TMEM63B: variants seen among roughly 807,000 people sequenced by gnomAD.
TMEM63B encodes transmembrane protein 63B, also known as mechanosensitive cation channel TMEM63B.
Under a neutral mutation model 102.6 loss-of-function variants are expected in TMEM63B, and 23 were observed. That is an observed-to-expected ratio of 0.22 (90% CI 0.16 to 0.32). The LOEUF (loss-of-function observed/expected upper bound fraction) is 0.32, where lower values mean the gene tolerates loss of function less well. Ranked by LOEUF, TMEM63B falls within the 10% of genes least tolerant of loss-of-function variation. The pLI, the probability that TMEM63B is intolerant of heterozygous loss-of-function variation, is 1.00. For missense variants in TMEM63B, 628 were observed against 1,095.9 expected (o/e 0.57, Z 6.03); for synonymous variants, 444 against 437.0 (o/e 1.02, Z -0.20).
At chr6:44,134,174 C>A (rs1762471671) in intron 1 of TMEM63B, among the ~76,000 whole-genome samples, 1 of 152,172 alleles carries the variant, frequency 6.6e-6, no homozygotes, top group Non-Finnish European at 1.5e-5. Context: ...GCCTAAGACC[C>A]CTCCCTGTCT....
intron 1 of TMEM63B, among the ~76,000 whole-genome samples, chr6:44,132,524 G>A (rs922468310): frequency 6.6e-6 from 1 of 152,146 alleles, no homozygotes; most frequent in Non-Finnish European, 1.5e-5. Flanking sequence ...GTACATTGGA[G>A]TTGAGAATTG....
chr6:44,146,977 G>T, intron 11 of TMEM63B, 50 bp downstream of exon 11: 4 of 1,591,258 alleles, frequency 2.5e-6, no homozygotes, highest in Non-Finnish European at 3.4e-6. Flanking sequence ...CCCTGCCATT[G>T]TGGAGGACAT....
In TMEM63B at chr6:44,152,742, C is replaced by T; in HGVS notation, c.1942+44C>T. 1 of 1,510,566 alleles carries T rather than the reference C, an allele frequency of 6.6e-7. No homozygotes were observed. The highest frequency in any genetic ancestry group is 2.3e-5 in the East Asian group (1 of 44,408). 93.6% of individuals were successfully genotyped at this position (1,510,566 alleles called of 1,614,324 possible). On this transcript the variant is annotated intron_variant, in intron 20 of 23. Transcript: ENST00000323267. The surrounding 1 kb of genome is among the most constrained non-coding windows in gnomAD (Gnocchi z 6.4). ...GGACCTGGGCCCTGCTCGGGGGGAC[C>T]CAGGACTTCACCCTCTCCACTCTAG...
chr6:44,132,097 C>T (rs1471605890), intron 1 of TMEM63B, among the ~76,000 whole-genome samples: 2 of 152,184 alleles, frequency 1.3e-5, no homozygotes, highest in Non-Finnish European at 2.9e-5. Flanking sequence ...AGCTGCCAGC[C>T]CAGGCTCCAC....
Position 44,152,916 on chromosome 6 carries a change from C to A in TMEM63B, c.1942+218C>A, listed in dbSNP as rs1482445686. Among the ~76,000 whole-genome samples the A allele has an allele frequency of 6.6e-6, 1 of 152,150 alleles. No individual in the cohort carries two copies. The highest frequency in any genetic ancestry group is 1.5e-5 in the Non-Finnish European group (1 of 68,006). ...GGCCAGACCCAGCTGGCATGTGGGC[C>A]CCAGGGCAAAGTCACACCAACATGG... On this transcript the variant is annotated intron_variant, in intron 20 of 23. Coordinates refer to ENST00000323267, the MANE Select transcript of TMEM63B (RefSeq NM_018426.3). The surrounding 1 kb of genome is among the most constrained non-coding windows in gnomAD (Gnocchi z 6.4).
chr6:44,153,479 T>TAC (rs1767250983), intron 20 of TMEM63B, among the ~76,000 whole-genome samples, 197 bp from the exon 21 acceptor site: 1 of 151,582 alleles, frequency 6.6e-6, no homozygotes, highest in Admixed American at 6.6e-5. Context: ...ATGAGGAGAG[T>TAC]AGAATGAGGG....
chr6:44,148,887 CCAT>C lies in TMEM63B; in HGVS notation c.1364_1366del (p.Ile455del). On this transcript the variant is annotated inframe_deletion, in exon 15 of 24. Coordinates refer to ENST00000323267, the MANE Select transcript of TMEM63B (RefSeq NM_018426.3). This position sits in a 1 kb window ranked among gnomAD's most constrained non-coding sequence, Gnocchi z 5.1. ...CTCCTCTTCTTCCTCACCACTCCAG[CCAT>C]CATCATCACCACCATGGACAAGTTC... is the stretch of plus-strand genomic sequence containing the variant. 6.2e-7 allele frequency: 1 copy of C among 1,614,110 alleles called. No individual in the cohort carries two copies. The highest frequency in any genetic ancestry group is 8.5e-7 in the Non-Finnish European group (1 of 1,180,024).
At chr6:44,135,122 G>T (rs376956266) in intron 3 of TMEM63B, 26 bp downstream of exon 3, 1 of 1,611,910 alleles carries the variant, frequency 6.2e-7, no homozygotes, top group Non-Finnish European at 8.5e-7. Context: ...CCTCCCTCTA[G>T]CTCTCCACAC....
At chr6:44,139,678 C>T in intron 7 of TMEM63B, 30 bp from the exon 8 acceptor site, 1 of 1,614,174 alleles carries the variant, frequency 6.2e-7, no homozygotes, top group Non-Finnish European at 8.5e-7. Flanking sequence ...CTGACCCCAC[C>T]ATCATCCTCT....
At chr6:44,151,567 G>A (rs1259664375) in intron 18 of TMEM63B, among the ~76,000 whole-genome samples, 1 of 152,158 alleles carries the variant, frequency 6.6e-6, no homozygotes, top group African/African-American at 2.4e-5. Context: ...GTCTTTGGGG[G>A]TCCTGGACAG....
Position 44,152,832 on chromosome 6 carries a change from G to T in TMEM63B, c.1942+134G>T. ...GACCGGCCCCTCGGGGCTCCCGCCC[G>T]GTCCCTGGCTCAGTCTGGGGCCTGG... On this transcript the variant is annotated intron_variant, in intron 20 of 23. Coordinates refer to ENST00000323267, the MANE Select transcript of TMEM63B (RefSeq NM_018426.3). The surrounding 1 kb of genome is among the most constrained non-coding windows in gnomAD (Gnocchi z 6.4). 1.4e-6 allele frequency: 1 copy of T among 712,348 alleles called. No individual in the cohort carries two copies. Among genetic ancestry groups the T allele is most frequent in the Non-Finnish European group, 2.3e-6 (1 of 427,206 alleles). The allele number at this position is 712,348 out of a possible 1,614,324, so 44.1% of individuals were successfully genotyped here. A position where few individuals can be genotyped will look rare whatever the true frequency, so the allele number is the denominator to read the frequency against.
rs1765827104 is a variant in TMEM63B, at chr6:44,148,176, G to T, written c.988-76G>T. 2 of 1,579,010 alleles carry T rather than the reference G, an allele frequency of 1.3e-6. No homozygotes were observed. The highest frequency in any genetic ancestry group is 4.5e-5 in the East Asian group (2 of 44,526). On this transcript the variant is annotated intron_variant, in intron 12 of 23. Transcript: ENST00000323267. This position sits in a 1 kb window ranked among gnomAD's most constrained non-coding sequence, Gnocchi z 5.1. ...GTGCCTGGCTTGTAGGAAGCCCCAA[G>T]TCAGCGTGGGCTGGATGCTGCAGGC... is the stretch of plus-strand genomic sequence containing the variant.
chr6:44,131,170 G>A (rs1009583496), intron 1 of TMEM63B, among the ~76,000 whole-genome samples: 7 of 148,224 alleles, frequency 4.7e-5, no homozygotes, highest in Admixed American at 1.3e-4. Flanking sequence ...TGCCCAGCTC[G>A]GCCTCCCAAA....
intron 5 of TMEM63B, 49 bp downstream of exon 5, chr6:44,136,488 G>A (rs773389164): frequency 4.9e-5 from 64 of 1,300,156 alleles, no homozygotes; most frequent in East Asian, 2.0e-4. Context: ...CACCCCCAGG[G>A]CACATGGGCT....
Position 44,136,385 on chromosome 6 carries a change from G to T in TMEM63B, c.315G>T (p.Arg105=). The T allele has an allele frequency of 6.2e-7, 1 of 1,614,092 alleles. No individual in the cohort carries two copies. Among genetic ancestry groups the T allele is most frequent in the South Asian group, 1.1e-5 (1 of 91,078 alleles). ...CTATGCACGGGGACAGCCATGACCG[G>T]TATGAGCGTCTCACCTCTGTCTCCA... is the stretch of plus-strand genomic sequence containing the variant. ...ASAMHGDSHD[R]YERLTSVSSS... is the part of the protein sequence containing the mutation. Residue 105 remains arginine, a synonymous_variant, in exon 5 of 24, where the codon CGG becomes CGT. Coordinates refer to ENST00000323267, the MANE Select transcript of TMEM63B (RefSeq NM_018426.3).
chr6:44,150,046 C>T lies in TMEM63B; in HGVS notation c.1520+81C>T. Reference sequence around the variant, plus strand: ...CCTCTCTGGGCAGCACTTTGCCCTTCAGGCTCCTGGCCCTGGGCAGTCCCA... The same window carrying T: ...CCTCTCTGGGCAGCACTTTGCCCTTTAGGCTCCTGGCCCTGGGCAGTCCCA... On this transcript the variant is annotated intron_variant, in intron 16 of 23. Transcript: ENST00000323267. This position sits in a 1 kb window ranked among gnomAD's most constrained non-coding sequence, Gnocchi z 4.7. The T allele has an allele frequency of 6.9e-7, 1 of 1,459,480 alleles. No homozygotes were observed. The highest frequency in any genetic ancestry group is 9.4e-7 in the Non-Finnish European group (1 of 1,059,894). The allele number at this position is 1,459,480 out of a possible 1,614,324, so 90.4% of individuals were successfully genotyped here.
chr6:44,146,765 T>G, intron 10 of TMEM63B, 82 bp from the exon 11 acceptor site: 1 of 1,383,380 alleles, frequency 7.2e-7, no homozygotes, highest in Non-Finnish European at 1.0e-6. Flanking sequence ...ATGTGTTTCT[T>G]GAAGGTGATG....
chr6:44,148,276 A>G lies in TMEM63B; in HGVS notation c.1012A>G (p.Lys338Glu). 2 of 1,614,254 alleles carry G rather than the reference A, an allele frequency of 1.2e-6. No individual in the cohort carries two copies. The highest frequency in any genetic ancestry group is 1.7e-6 in the Non-Finnish European group (2 of 1,180,044). Residue 338 changes from lysine to glutamate, a missense_variant, in exon 13 of 24, where the codon AAG becomes GAG. This residue lies in a region of TMEM63B where 336 missense variants were observed against 580.3 expected (regional missense o/e 0.58). Coordinates refer to ENST00000323267, the MANE Select transcript of TMEM63B (RefSeq NM_018426.3). The surrounding 1 kb of genome is among the most constrained non-coding windows in gnomAD (Gnocchi z 5.1). ...EQVEAIEYYT[K>E]LEQKLKEDYK... Reference sequence around the variant, plus strand: ...GGTGGAGGCCATTGAGTACTACACAAAGCTGGAGCAGAAGCTGAAGGAAGA... The same window carrying G: ...GGTGGAGGCCATTGAGTACTACACAGAGCTGGAGCAGAAGCTGAAGGAAGA...
intron 1 of TMEM63B, among the ~76,000 whole-genome samples, chr6:44,132,686 C>T (rs984839682): frequency 6.6e-6 from 1 of 151,576 alleles, no homozygotes; most frequent in African/African-American, 2.4e-5. Context: ...AAGCCAACAA[C>T]TCCCTTCATT....
Sources: gnomAD v4.1 joint callset for allele counts (sites outside exome capture counted in the v4.1 genomes callset) on GRCh38, gnomAD v4.1.1 for gene constraint, gnomAD v4.1.1 regional missense constraint, Gnocchi (gnomAD v3.1) non-coding constraint, MANE v1.5 for transcripts, NCBI Gene and HGNC (gene_info 2026-07-23, HGNC 2026-07-21) for gene names.